The following RAB44 variants were observed in gnomAD, a reference collection of about 807,000 sequenced individuals.
RAB44 encodes the protein RAB44, member RAS oncogene family.
RAB44 carries 67 observed loss-of-function variants against 93.3 expected under a neutral mutation model. The observed-to-expected ratio is 0.72, with a 90% CI of 0.59 to 0.88. The LOEUF is 0.88. RAB44 is among the 40% of genes least tolerant of loss of function. RAB44 has a pLI of 0.00. For missense variants in RAB44, 1,064 were observed against 1,261.7 expected, an observed-to-expected ratio of 0.84 and a Z score of 2.37; for synonymous variants, 427 against 520.3, an observed-to-expected ratio of 0.82 and a Z score of 2.44.
intron 2 of RAB44, among the ~76,000 whole-genome samples, chr6:36,710,253 A>G (rs1250868117): frequency 1.3e-5 from 2 of 152,148 alleles, no homozygotes; most frequent in Non-Finnish European, 2.9e-5. Context: ...TTCTGTCTCT[A>G]TAACTTTGAT....
At chr6:36,705,924 G>A (rs58342338) in intron 2 of RAB44, among the ~76,000 whole-genome samples, 10,131 of 150,908 alleles carry the variant, frequency 0.067, 869 homozygotes, top group African/African-American at 0.2. Flanking sequence ...TTAAGAGATA[G>A]GATCTCACTC....
chr6:36,699,609 C>T (rs1762465418), intron 1 of RAB44, among the ~76,000 whole-genome samples: 1 of 152,334 alleles, frequency 6.6e-6, no homozygotes, highest in African/African-American at 2.4e-5. Flanking sequence ...CCCAGAGGGG[C>T]CTTCTGCCCA....
intron 9 of RAB44, among the ~76,000 whole-genome samples, chr6:36,724,944 G>A (rs192732303): frequency 2.0e-3 from 305 of 152,270 alleles, no homozygotes; most frequent in Non-Finnish European, 2.1e-3. Flanking sequence ...ATTTGAGGAC[G>A]GGACCAGATA....
At position 36,725,753 on chromosome 6, in the gene RAB44, C is replaced by G. The variant is rs988771871; in HGVS notation, c.2600-109C>G. On this transcript the variant is annotated intron_variant, in intron 9 of 13. Coordinates refer to ENST00000612677, the MANE Select transcript of RAB44 (RefSeq NM_001257357.2). ...CGAGGGGAAGCCCGGCAGCCAAGGGCTCCATCGCACCGCAGCTGGTACAGG... is the reference window on the plus strand; with the variant it reads ...CGAGGGGAAGCCCGGCAGCCAAGGGGTCCATCGCACCGCAGCTGGTACAGG... The G allele has an allele frequency of 9.5e-6, 7 of 735,506 alleles. No individual in the cohort carries two copies. In the African/African-American group the frequency reaches 1.0e-4, roughly 11 times the overall value. The allele number at this position is 735,506 out of a possible 1,614,324, so 45.6% of individuals were successfully genotyped here.
rs1763119419 is a variant in RAB44, at chr6:36,722,512, G to C, written c.2378G>C (p.Arg793Thr). ...HAEEQGPPHSREPRAESRLED... is the reference protein window; with the variant it reads ...HAEEQGPPHSTEPRAESRLED... ...GAAGAACAAGGCCCGCCTCACTCCA[G>C]GGAACCAAGGGCAGAGAGCAGGCTT... The change falls in exon 9 of 14, where the codon AGG becomes ACG. Residue 793 changes from arginine (R) to threonine (T), a missense_variant. Coordinates refer to ENST00000612677, the MANE Select transcript of RAB44 (RefSeq NM_001257357.2). 1.3e-6 allele frequency: 2 copies of C among 1,511,634 alleles called. No individual in the cohort carries two copies. The highest frequency in any genetic ancestry group is 8.9e-7 in the Non-Finnish European group (1 of 1,127,908). 93.6% of individuals were successfully genotyped at this position (1,511,634 alleles called of 1,614,324 possible). A position where few individuals can be genotyped will look rare whatever the true frequency, so the allele number is the denominator to read the frequency against.
chr6:36,719,029 C>T (rs969065214), intron 7 of RAB44, among the ~76,000 whole-genome samples: 2 of 152,128 alleles, frequency 1.3e-5, no homozygotes, highest in African/African-American at 4.8e-5. Context: ...ACGCCATTCT[C>T]CTGCCTCAGC....
chr6:36,725,683 C>CT (rs1321686920), intron 9 of RAB44, among the ~76,000 whole-genome samples, 179 bp from the exon 10 acceptor site: 1 of 152,144 alleles, frequency 6.6e-6, no homozygotes, highest in Non-Finnish European at 1.5e-5. Context: ...TCTGGGAAGG[C>CT]TTCTTGGAGG....
chr6:36,710,924 T>G (rs887133212), intron 2 of RAB44, among the ~76,000 whole-genome samples: 1 of 152,182 alleles, frequency 6.6e-6, no homozygotes, highest in African/African-American at 2.4e-5. Context: ...TCGCCCAGAC[T>G]GCACAACTTT....
At position 36,725,962 on chromosome 6, in the gene RAB44, C is replaced by T; in HGVS notation, c.2681+19C>T. The T allele has an allele frequency of 1.9e-6, 3 of 1,540,572 alleles. No individual in the cohort carries two copies. The highest frequency in any genetic ancestry group is 2.6e-6 in the Non-Finnish European group (3 of 1,137,902). On this transcript the variant is annotated intron_variant, in intron 10 of 13. Coordinates refer to ENST00000612677, the MANE Select transcript of RAB44 (RefSeq NM_001257357.2). ...AAGAGAGGTAACAGGCACTGTATAT[C>T]AGTGTGTCAGGAACCTAGGCTGAGC...
Position 36,732,185 on chromosome 6 carries a change from G to C in RAB44, c.*92G>C, listed in dbSNP as rs1184120234. The stretch of plus-strand genomic sequence containing the variant: ...GTTCCTGGACAGCAACGACACAGAG[G>C]ACCAGCTTGGAGGTTCAGGAAAACC... On this transcript the variant is annotated 3_prime_UTR_variant, in exon 14 of 14. Coordinates refer to ENST00000612677, the MANE Select transcript of RAB44 (RefSeq NM_001257357.2). 5.0e-6 allele frequency: 4 copies of C among 794,658 alleles called. No individual in the cohort carries two copies. The Admixed American group carries it at 1.3e-4, about 26-fold the overall frequency. The allele number at this position is 794,658 out of a possible 1,614,324, so 49.2% of individuals were successfully genotyped here.
chr6:36,713,766 G>A (rs1206314951), intron 2 of RAB44, 62 bp from the exon 3 acceptor site: 37 of 1,046,272 alleles, frequency 3.5e-5, no homozygotes, highest in South Asian at 2.4e-4. Flanking sequence ...ACATCTCTCC[G>A]TTTTGGAGGG....
In RAB44 at chr6:36,720,507, G is replaced by T. The variant is rs566251860; in HGVS notation, c.973G>T (p.Ala325Ser). ...GCAGGTGACCAGGGGGCGCCTGGAC[G>T]CCGCCAGGGGCCGGGTGTCCTGGCA... ...QLQVTRGRLD[A>S]ARGRVSWQVE... is the part of the protein sequence containing the mutation. The change falls in exon 8 of 14, where the codon GCC (alanine) becomes TCC (serine). Residue 325 changes from alanine to serine, a missense_variant. Transcript: ENST00000612677. 5.0e-5 allele frequency: 62 copies of T among 1,233,408 alleles called. No homozygotes were observed. The highest frequency in any genetic ancestry group is 6.0e-5 in the Non-Finnish European group (59 of 988,234). The allele number at this position is 1,233,408 out of a possible 1,614,324, so 76.4% of individuals were successfully genotyped here.
chr6:36,732,000 T>C lies in RAB44; in HGVS notation c.2976-3T>C, dbSNP rs1310155675. 11 of 1,233,722 alleles carry C rather than the reference T, an allele frequency of 8.9e-6. No individual in the cohort carries two copies. The highest frequency in any genetic ancestry group is 1.1e-5 in the Non-Finnish European group (11 of 988,084). 76.4% of individuals were successfully genotyped at this position (1,233,722 alleles called of 1,614,324 possible). A position where few individuals can be genotyped will look rare whatever the true frequency, so the allele number is the denominator to read the frequency against. On this transcript the variant is annotated splice_region_variant and splice_polypyrimidine_tract_variant and intron_variant, in intron 13 of 13. Coordinates refer to ENST00000612677, the MANE Select transcript of RAB44 (RefSeq NM_001257357.2). The surrounding 1 kb of genome is among the most constrained non-coding windows in gnomAD (Gnocchi z 4.0). Reference sequence around the variant, plus strand: ...AGGCCTGATGCCTGGCACTGTCACATAGGTCACTCAGGATGCAAGAAGAAG... The same window carrying C: ...AGGCCTGATGCCTGGCACTGTCACACAGGTCACTCAGGATGCAAGAAGAAG...
chr6:36,727,698 A>T lies in RAB44; in HGVS notation c.2796+7A>T. 1 of 1,542,330 alleles carries T rather than the reference A, an allele frequency of 6.5e-7. No individual in the cohort carries two copies. Among genetic ancestry groups the T allele is most frequent in the Non-Finnish European group, 8.8e-7 (1 of 1,139,502 alleles). The stretch of plus-strand genomic sequence containing the variant: ...CTGGCTAGACTGTCTCCAGGTGAGC[A>T]GATGGCTGCTGGGGTTGGCCCCAGT... On this transcript the variant is annotated splice_region_variant and intron_variant, in intron 11 of 13. Transcript: ENST00000612677.
Position 36,730,694 on chromosome 6 carries a change from G to T in RAB44, c.2920G>T (p.Glu974Ter). 2.4e-6 allele frequency: 3 copies of T among 1,234,352 alleles called. No individual in the cohort carries two copies. Among genetic ancestry groups the T allele is most frequent in the Non-Finnish European group, 3.0e-6 (3 of 988,288 alleles). The allele number at this position is 1,234,352 out of a possible 1,614,324, so 76.5% of individuals were successfully genotyped here. A position where few individuals can be genotyped will look rare whatever the true frequency, so the allele number is the denominator to read the frequency against. ...LAQELGVYFG[E>*]CSAALGHNIL... is the part of the protein sequence containing the mutation. The stretch of plus-strand genomic sequence containing the variant: ...GCAGGAACTGGGGGTCTATTTTGGG[G>T]AGTGCAGTGCCGCCTTGGGTCACAA... The change falls in exon 13 of 14, where the codon GAG becomes TAG. Residue 974 changes from glutamate (E) to a stop codon, truncating the protein, a stop_gained. Transcript: ENST00000612677. LOFTEE classifies it high-confidence loss of function.
Position 36,728,740 on chromosome 6 carries a change from A to G in RAB44, c.2837A>G (p.Asn946Ser), listed in dbSNP as rs1055437608. 1.3e-5 allele frequency: 20 copies of G among 1,550,500 alleles called. No homozygotes were observed. Among genetic ancestry groups the G allele is most frequent in the Non-Finnish European group, 1.7e-5 (20 of 1,146,994 alleles). ...SDGVVILLLGNKMDCEEERQV... is the reference protein window; with the variant it reads ...SDGVVILLLGSKMDCEEERQV... ...GGGGTGGTCATCCTTCTCCTGGGAA[A>G]CAAGATGGACTGTGAGGAGGAACGG... Residue 946 changes from asparagine to serine, a missense_variant, in exon 12 of 14, where the codon AAC becomes AGC. By Grantham distance (46) the Asn-to-Ser change is conservative (BLOSUM62 1). Transcript: ENST00000612677.
intron 7 of RAB44, among the ~76,000 whole-genome samples, chr6:36,719,682 C>T (rs1763020153): frequency 6.6e-6 from 1 of 152,154 alleles, no homozygotes; most frequent in Admixed American, 6.5e-5. Flanking sequence ...AGAAGGGAGT[C>T]AAGGAAGGCC....
At chr6:36,728,499 A>G (rs1054801897) in intron 11 of RAB44, among the ~76,000 whole-genome samples, 1 of 152,060 alleles carries the variant, frequency 6.6e-6, no homozygotes, top group South Asian at 2.1e-4. Context: ...AGGTGTTCTT[A>G]AGGTTGGCCT....
intron 1 of RAB44, among the ~76,000 whole-genome samples, chr6:36,702,331 AGAGAGAG>A (rs376693190): frequency 0.11 from 8,127 of 75,734 alleles, 444 homozygotes; most frequent in African/African-American, 0.2. Context: ...AGAGAGAGAG[AGAGAGAG>A]AATGTACTTC....
Sources: allele counts gnomAD v4.1 joint callset (sites outside exome capture counted in the v4.1 genomes callset), GRCh38; gene constraint gnomAD v4.1.1; non-coding constraint Gnocchi (gnomAD v3.1); transcripts MANE v1.5; gene names NCBI Gene and HGNC (gene_info 2026-07-23, HGNC 2026-07-21).